The following GULP1 variants were observed in gnomAD, a reference collection of about 807,000 sequenced individuals.
GULP1 encodes the protein GULP PTB domain containing engulfment adaptor 1, also known as PTB domain-containing engulfment adapter protein 1.
A neutral mutation model predicts 40.9 loss-of-function variants in GULP1; 19 were observed. The observed-to-expected ratio is 0.46, with a 90% CI of 0.32 to 0.68. The LOEUF is 0.68. GULP1 is among the 30% of genes least tolerant of loss of function. The pLI, the probability that GULP1 is intolerant of heterozygous loss-of-function variation, is 0.03. For synonymous variants in GULP1, 119 were observed against 117.6 expected (o/e 1.01, Z -0.08); for missense variants, 312 against 362.2 (o/e 0.86, Z 1.12).
intron 2 of GULP1, among the ~76,000 whole-genome samples, chr2:188,400,923 TTGTGTG>T (rs61060931): frequency 0.18 from 25,405 of 139,434 alleles, 2,163 homozygotes; most frequent in African/African-American, 0.25. Flanking sequence ...AGTGGTGTGT[TTGTGTG>T]TGTGTGTGTG....
chr2:188,550,007 A>T (rs1016066333), intron 7 of GULP1, among the ~76,000 whole-genome samples: 1 of 151,770 alleles, frequency 6.6e-6, no homozygotes. Context: ...TCGTAATCAA[A>T]TTATTCTGTA....
chr2:188,522,055 G>T (rs149651388), intron 4 of GULP1, among the ~76,000 whole-genome samples: 2 of 152,094 alleles, frequency 1.3e-5, no homozygotes, highest in Non-Finnish European at 1.5e-5. Flanking sequence ...TGGCCTGGGC[G>T]AAAGAGTGAG....
chr2:188,344,282 T>C (rs1490716514), intron 1 of GULP1, among the ~76,000 whole-genome samples: 5 of 152,170 alleles, frequency 3.3e-5, no homozygotes, highest in African/African-American at 4.8e-5. Flanking sequence ...ACTGCTTGAA[T>C]ATAAATTGGG....
intron 9 of GULP1, among the ~76,000 whole-genome samples, chr2:188,582,059 A>C (rs759470836): frequency 6.9e-4 from 105 of 152,136 alleles, no homozygotes; most frequent in Middle Eastern, 3.4e-3. Flanking sequence ...GTTTCTCTCC[A>C]TTACCTTCCT....
intron 2 of GULP1, among the ~76,000 whole-genome samples, chr2:188,399,512 A>G (rs2152617882): frequency 6.6e-6 from 1 of 152,130 alleles, no homozygotes; most frequent in East Asian, 1.9e-4. Context: ...GGGGGCAAAT[A>G]AAAACAATAG....
intron 1 of GULP1, among the ~76,000 whole-genome samples, chr2:188,367,147 A>C (rs1315290702): frequency 1.3e-5 from 2 of 152,198 alleles, no homozygotes; most frequent in African/African-American, 2.4e-5. Context: ...TTGTTTCACT[A>C]CCATAGAGAC....
intron 6 of GULP1, among the ~76,000 whole-genome samples, chr2:188,538,296 A>G (rs542846995): frequency 1.3e-3 from 200 of 152,122 alleles, no homozygotes; most frequent in South Asian, 4.1e-3. Context: ...TGATCTTTCT[A>G]AATTTCTGAG....
intron 5 of GULP1, 130 bp from the exon 6 acceptor site, chr2:188,528,967 T>C: frequency 1.8e-6 from 1 of 542,422 alleles, no homozygotes; most frequent in Non-Finnish European, 3.3e-6. Context: ...CTTTATAAAA[T>C]GCTTTATACT....
At chr2:188,554,422 G>A (rs1694241595) in intron 7 of GULP1, among the ~76,000 whole-genome samples, 1 of 150,956 alleles carries the variant, frequency 6.6e-6, no homozygotes, top group Non-Finnish European at 1.5e-5. Flanking sequence ...GGAGCATGTT[G>A]TTTAATTTTC....
At chr2:188,578,721 C>G (rs758974051) in intron 9 of GULP1, among the ~76,000 whole-genome samples, 3 of 152,114 alleles carry the variant, frequency 2.0e-5, no homozygotes, top group Middle Eastern at 3.4e-3. Flanking sequence ...GACCAAAACA[C>G]CTGGAACTAC....
intron 1 of GULP1, among the ~76,000 whole-genome samples, chr2:188,327,590 T>C (rs2040935872): frequency 6.6e-6 from 1 of 152,100 alleles, no homozygotes; most frequent in African/African-American, 2.4e-5. Flanking sequence ...TGCATCTTAT[T>C]CACATGACCA....
chr2:188,478,895 A>G (rs997147034), intron 3 of GULP1, among the ~76,000 whole-genome samples: 4 of 152,122 alleles, frequency 2.6e-5, no homozygotes, highest in African/African-American at 4.8e-5. Context: ...TACAGTGTTA[A>G]CTGACACATA....
At chr2:188,359,667 A>T (rs1252459373) in intron 1 of GULP1, among the ~76,000 whole-genome samples, 1 of 152,150 alleles carries the variant, frequency 6.6e-6, no homozygotes, top group African/African-American at 2.4e-5. Context: ...GATGAACTGT[A>T]TTAAAAATTA....
At chr2:188,325,584 T>A (rs1347300758) in intron 1 of GULP1, among the ~76,000 whole-genome samples, 3 of 152,108 alleles carry the variant, frequency 2.0e-5, no homozygotes, top group African/African-American at 7.2e-5. Flanking sequence ...TAGCTATAAT[T>A]TTTTATGTTT....
chr2:188,329,702 G>C (rs897904040), intron 1 of GULP1, among the ~76,000 whole-genome samples: 1 of 152,086 alleles, frequency 6.6e-6, no homozygotes. Context: ...TAATCTCTAT[G>C]GGGACAAAGA....
chr2:188,307,715 G>A (rs1405463837), intron 1 of GULP1, among the ~76,000 whole-genome samples: 2 of 152,134 alleles, frequency 1.3e-5, no homozygotes, highest in Non-Finnish European at 2.9e-5. Context: ...TTGAGATCAT[G>A]TGCCACACAC....
intron 9 of GULP1, among the ~76,000 whole-genome samples, chr2:188,571,445 G>A (rs936249825): frequency 6.6e-6 from 1 of 152,156 alleles, no homozygotes; most frequent in African/African-American, 2.4e-5. Context: ...GAAAGAGTGA[G>A]TATTTCCATT....
chr2:188,586,160 C>T (rs1291373977), intron 10 of GULP1, among the ~76,000 whole-genome samples: 1 of 152,080 alleles, frequency 6.6e-6, no homozygotes, highest in African/African-American at 2.4e-5. Flanking sequence ...CAAGAGTGCT[C>T]CAGTAACACC....
At chr2:188,309,770 A>G (rs2037757818) in intron 1 of GULP1, among the ~76,000 whole-genome samples, 1 of 152,174 alleles carries the variant, frequency 6.6e-6, no homozygotes, top group South Asian at 2.1e-4. Flanking sequence ...AGAGCCAATA[A>G]TTGTGTGCTA....
Sources: gnomAD v4.1 joint callset for allele counts (sites outside exome capture counted in the v4.1 genomes callset) on GRCh38, gnomAD v4.1.1 for gene constraint, MANE v1.5 for transcripts, NCBI Gene and HGNC (gene_info 2026-07-23, HGNC 2026-07-21) for gene names.